Variants in MYH8 observed in about 807,000 individuals in gnomAD.
The protein encoded by MYH8 is myosin heavy chain 8.
In MYH8, 168 loss-of-function variants were observed where a neutral mutation model predicts 233.2. The ratio of observed to expected loss-of-function variants is 0.72; its 90% CI spans 0.64 to 0.82. The LOEUF (loss-of-function observed/expected upper bound fraction) is 0.82, where lower values mean the gene tolerates loss of function less well. MYH8 is among the 40% of genes least tolerant of loss of function. The pLI is 0.00. For missense variants in MYH8, 1,995 were observed against 2,327.8 expected (o/e 0.86, Z 2.94); for synonymous variants, 785 against 850.6 (o/e 0.92, Z 1.34).
intron 34 of MYH8, 118 bp downstream of exon 34, chr17:10,395,015 G>T: frequency 9.0e-7 from 1 of 1,110,224 alleles, no homozygotes; most frequent in Non-Finnish European, 1.4e-6. Flanking sequence ...AGTTACCTTT[G>T]TGCGGTCAGC....
Position 10,414,405 on chromosome 17 carries a change from A to G in MYH8, c.885T>C (p.Asn295=). The G allele has an allele frequency of 6.2e-7, 1 of 1,612,486 alleles. No individual in the cohort carries two copies. Among genetic ancestry groups the G allele is most frequent in the Non-Finnish European group, 8.5e-7 (1 of 1,178,484 alleles). ...SYHIFYQITS[N]KKPDLIEMLL... ...TCTTACCAATTAGATCTGGCTTCTT[A>G]TTGGAAGTGATCTGATAAAAAATAT... is the stretch of plus-strand genomic sequence containing the variant. The change falls in exon 10 of 40, where the codon AAT becomes AAC. Residue 295 remains asparagine, a synonymous_variant. Coordinates refer to ENST00000403437, the MANE Select transcript of MYH8 (RefSeq NM_002472.3).
intron 15 of MYH8, 23 bp downstream of exon 15, chr17:10,410,754 C>T (rs1292151112): frequency 6.2e-7 from 1 of 1,613,854 alleles, no homozygotes; most frequent in Non-Finnish European, 8.5e-7. Flanking sequence ...CACAGTCTGC[C>T]CTTCTTTGGA....
In MYH8 at chr17:10,406,143, TCCAGAAGAC is replaced by T; in HGVS notation, c.2321_2329del (p.Gly774_Leu776del). The T allele has an allele frequency of 3.1e-6, 5 of 1,614,094 alleles. No individual in the cohort carries two copies. The highest frequency in any genetic ancestry group is 4.2e-6 in the Non-Finnish European group (5 of 1,180,016). The stretch of plus-strand genomic sequence containing the variant: ...GGCTAATTTTTCATCTCTCATTTCT[TCCAGAAGAC>T]CCAGAAGTCCAGCTTTGAAGAAAAC... On this transcript the variant is annotated inframe_deletion, in exon 21 of 40. Transcript: ENST00000403437.
chr17:10,392,403 T>A (rs2072034324), intron 38 of MYH8, 139 bp downstream of exon 38: 2 of 822,158 alleles, frequency 2.4e-6, no homozygotes, highest in East Asian at 5.0e-5. Context: ...AGGTCTGTGA[T>A]AAGCAACTGT....
chr17:10,400,268 G>A lies in MYH8; in HGVS notation c.3735+122C>T. On this transcript the variant is annotated intron_variant, in intron 27 of 39. Coordinates refer to ENST00000403437, the MANE Select transcript of MYH8 (RefSeq NM_002472.3). The surrounding 1 kb of genome is among the most constrained non-coding windows in gnomAD (Gnocchi z 4.0). ...CATTTTAAAAAATACCATAGAATGGGATATATTTGGTTAGAAAATATTTGA... is the reference window on the plus strand; with the variant it reads ...CATTTTAAAAAATACCATAGAATGGAATATATTTGGTTAGAAAATATTTGA... The A allele has an allele frequency of 7.9e-7, 1 of 1,264,326 alleles. No homozygotes were observed. The highest frequency in any genetic ancestry group is 1.1e-6 in the Non-Finnish European group (1 of 875,660). 78.3% of individuals were successfully genotyped at this position (1,264,326 alleles called of 1,614,324 possible). A position where few individuals can be genotyped will look rare whatever the true frequency, so the allele number is the denominator to read the frequency against.
Position 10,419,042 on chromosome 17 carries a change from G to A in MYH8, c.211-12C>T, listed in dbSNP as rs760307401. ...CTGACAGTTAGAGTCTGGTGAGTAA[G>A]CAAGAAACCAGTTCGTTTTTGTTTG... On this transcript the variant is annotated splice_polypyrimidine_tract_variant and intron_variant, in intron 3 of 39. Coordinates refer to ENST00000403437, the MANE Select transcript of MYH8 (RefSeq NM_002472.3). The surrounding 1 kb of genome is among the most constrained non-coding windows in gnomAD (Gnocchi z 4.0). 6.2e-7 allele frequency: 1 copy of A among 1,614,038 alleles called. No individual in the cohort carries two copies. The highest frequency in any genetic ancestry group is 8.5e-7 in the Non-Finnish European group (1 of 1,179,972).
At chr17:10,401,236 T>A (rs747661884) in intron 24 of MYH8, 39 bp downstream of exon 24, 30 of 1,613,488 alleles carry the variant, frequency 1.9e-5, no homozygotes, top group Non-Finnish European at 2.2e-5. Context: ...TATATATTTT[T>A]AAAAAAATCT....
chr17:10,403,460 T>C (rs1191880330), intron 22 of MYH8, among the ~76,000 whole-genome samples: 1 of 152,192 alleles, frequency 6.6e-6, no homozygotes, highest in African/African-American at 2.4e-5. Context: ...GGGGATTCTT[T>C]TCTTTTTTCT....
rs775172609 is a variant in MYH8 at position 10,415,671 on chromosome 17, A to C, written c.539+10T>G. ...TCCTTGCAAATCAGAGAAGAAAAAA[A>C]ATCACATACGTGATCAGGATGGACT... is the stretch of plus-strand genomic sequence containing the variant. On this transcript the variant is annotated intron_variant, in intron 6 of 39. Transcript: ENST00000403437. This position sits in a 1 kb window ranked among gnomAD's most constrained non-coding sequence, Gnocchi z 4.1. The C allele has an allele frequency of 1.2e-6, 2 of 1,613,938 alleles. No individual in the cohort carries two copies. Among genetic ancestry groups the C allele is most frequent in the East Asian group, 4.5e-5 (2 of 44,892 alleles).
chr17:10,398,623 T>TCCTGCAG lies in MYH8; in HGVS notation c.3998_3999insCTGCAGG (p.His1334CysfsTer11). The TCCTGCAG allele has an allele frequency of 6.2e-7, 1 of 1,614,174 alleles. No individual in the cohort carries two copies. The highest frequency in any genetic ancestry group is 8.5e-7 in the Non-Finnish European group (1 of 1,180,014). ...CATGGCGGGAGGACTGCAGGGCGTG[T>TCCTGCAG]GCCAGGGCGTTCTTGGCCTGCAGAA... On this transcript the variant is annotated frameshift_variant, in exon 30 of 40. Coordinates refer to ENST00000403437, the MANE Select transcript of MYH8 (RefSeq NM_002472.3). LOFTEE classifies it high-confidence loss of function.
At chr17:10,418,550 G>A (rs2072307289) in intron 5 of MYH8, 95 bp downstream of exon 5, 5 of 1,606,618 alleles carry the variant, frequency 3.1e-6, no homozygotes, top group Middle Eastern at 2.2e-4. Context: ...TGGCTAGAAT[G>A]TATTATCATA....
rs936490834 is a variant in MYH8 at position 10,400,295 on chromosome 17, T to G, written c.3735+95A>C. On this transcript the variant is annotated intron_variant, in intron 27 of 39. Coordinates refer to ENST00000403437, the MANE Select transcript of MYH8 (RefSeq NM_002472.3). The surrounding 1 kb of genome is among the most constrained non-coding windows in gnomAD (Gnocchi z 4.0). Reference sequence around the variant, plus strand: ...TATATTTGGTTAGAAAATATTTGAGTAGTGCTGTAAAATGCCTGCAAACAA... The same window carrying G: ...TATATTTGGTTAGAAAATATTTGAGGAGTGCTGTAAAATGCCTGCAAACAA... 11 of 1,419,342 alleles carry G rather than the reference T, an allele frequency of 7.8e-6. No homozygotes were observed. Among genetic ancestry groups the G allele is most frequent in the Non-Finnish European group, 9.9e-6 (10 of 1,014,656 alleles). The allele number at this position is 1,419,342 out of a possible 1,614,324, so 87.9% of individuals were successfully genotyped here. A position where few individuals can be genotyped will look rare whatever the true frequency, so the allele number is the denominator to read the frequency against.
In MYH8 at chr17:10,391,879, T is replaced by TA. The variant is rs1308106278; in HGVS notation, c.5664+2dup. Reference sequence around the variant, plus strand: ...CTTTCCTCAAGGGCTTAAAGATACTTACAGCCTCCTCAGCTTGTCTCTTGT... The same window carrying TA: ...CTTTCCTCAAGGGCTTAAAGATACTTAACAGCCTCCTCAGCTTGTCTCTTGT... On this transcript the variant is annotated splice_region_variant and intron_variant, in intron 39 of 39. Transcript: ENST00000403437. 6.2e-7 allele frequency: 1 copy of TA among 1,612,486 alleles called. No homozygotes were observed. Among genetic ancestry groups the TA allele is most frequent in the Non-Finnish European group, 8.5e-7 (1 of 1,178,492 alleles).
At chr17:10,403,059 A>G (rs1312556507) in intron 22 of MYH8, among the ~76,000 whole-genome samples, 2 of 152,152 alleles carry the variant, frequency 1.3e-5, no homozygotes, top group African/African-American at 4.8e-5. Flanking sequence ...TTAATGTGGA[A>G]AGTCTATGTT....
rs61730807 is a variant in MYH8 at position 10,395,309 on chromosome 17, C to A, written c.4786G>T (p.Val1596Phe). 6.2e-7 allele frequency: 1 copy of A among 1,614,184 alleles called. No homozygotes were observed. The highest frequency in any genetic ancestry group is 8.5e-7 in the Non-Finnish European group (1 of 1,180,028). Residue 1596 changes from valine (V) to phenylalanine (F), a missense_variant, in exon 34 of 40, where the codon GTC becomes TTC. Around this residue, in one of 3 missense-constraint regions of MYH8, gnomAD observed 1,498 missense variants for 1,680.9 expected, o/e 0.89. Transcript: ENST00000403437. The stretch of plus-strand genomic sequence containing the variant: ...AGCGTGCTCTGCATTGTCTCCACGA[C>A]TCTAGTGTGGTTTCTCTTCAGCTGG... The part of the protein sequence containing the change: ...IDQLKRNHTR[V>F]VETMQSTLDA...
chr17:10,399,538 T>A lies in MYH8; in HGVS notation c.3862+5A>T. ...GGTGTTGGGACCCAGAGAAGATGTC[T>A]TTACCCGCTTCTGTCTGCAGGCGCG... On this transcript the variant is annotated splice_donor_5th_base_variant and intron_variant, in intron 28 of 39. Transcript: ENST00000403437. 1 of 1,613,212 alleles carries A rather than the reference T, an allele frequency of 6.2e-7. No individual in the cohort carries two copies. The highest frequency in any genetic ancestry group is 1.1e-5 in the South Asian group (1 of 91,046).
chr17:10,406,070 C>T lies in MYH8; in HGVS notation c.2403G>A (p.Arg801=), dbSNP rs779259396. The change falls in exon 21 of 40, where the codon AGG becomes AGA. Residue 801 remains arginine (R), a synonymous_variant. Coordinates refer to ENST00000403437, the MANE Select transcript of MYH8 (RefSeq NM_002472.3). ...TTTGCAACATCTTCTGATATTCTAC[C>T]CTCATTAGGAATCCCCTACAGACAG... ...TQAVCRGFLM[R]VEYQKMLQRR... 4 of 1,613,798 alleles carry T rather than the reference C, an allele frequency of 2.5e-6. No homozygotes were observed. In the African/African-American group the frequency reaches 5.3e-5, roughly 22 times the overall value.
chr17:10,392,477 T>C, intron 38 of MYH8, 65 bp downstream of exon 38: 1 of 1,382,708 alleles, frequency 7.2e-7, no homozygotes, highest in Admixed American at 1.7e-5. Flanking sequence ...AAATAAATAG[T>C]CATAAGGTTT....
intron 35 of MYH8, among the ~76,000 whole-genome samples, chr17:10,394,020 T>TTTTTTTTTTG (rs2072054922): frequency 9.0e-6 from 1 of 110,910 alleles, no homozygotes; most frequent in African/African-American, 3.5e-5. Context: ...TTTTTTTTTT[T>TTTTTTTTTTG]GGTGAGGGGT....
Sources: allele counts gnomAD v4.1 joint callset (sites outside exome capture counted in the v4.1 genomes callset), GRCh38; gene constraint gnomAD v4.1.1; regional missense constraint gnomAD v4.1.1; non-coding constraint Gnocchi (gnomAD v3.1); transcripts MANE v1.5; gene names NCBI Gene and HGNC (gene_info 2026-07-23, HGNC 2026-07-21).